Variants in METTL8 observed in about 807,000 individuals in gnomAD.
The protein encoded by METTL8 is methyltransferase 8, tRNA N3-cytidine, also known as tRNA N(3)-cytidine methyltransferase METTL8, mitochondrial.
In METTL8, 32 loss-of-function variants were observed where a neutral mutation model predicts 48.7. The ratio of observed to expected loss-of-function variants is 0.66; its 90% confidence interval spans 0.50 to 0.88. The LOEUF (loss-of-function observed/expected upper bound fraction) is 0.88. Ranked by LOEUF, METTL8 falls within the 40% of genes least tolerant of loss-of-function variation. The pLI is 0.00. For missense variants in METTL8, 464 were observed against 474.4 expected (o/e 0.98, Z 0.20); for synonymous variants, 136 against 157.1 (o/e 0.87, Z 1.01).
At position 171,357,562 on chromosome 2, in the gene METTL8, CTGA is replaced by C. The variant is rs1559103092; in HGVS notation, c.235+2857_235+2859del. ...TTAAAAAATGGGAAGATATTCCATGCTGATGAGTCCAAATAATTAATATTGTTA... is the reference window on the plus strand; with the variant it reads ...TTAAAAAATGGGAAGATATTCCATGCTGAGTCCAAATAATTAATATTGTTA... On this transcript the variant is annotated intron_variant, in intron 3 of 9. Coordinates refer to ENST00000375258, the MANE Select transcript of METTL8 (RefSeq NM_001321154.2). Among the ~76,000 whole-genome samples, 4 of 152,272 alleles carry C rather than the reference CTGA, an allele frequency of 2.6e-5. No homozygotes were observed. The East Asian group carries it at 5.8e-4, about 22-fold the overall frequency.
chr2:171,329,137 C>G (rs1229989574), intron 7 of METTL8, among the ~76,000 whole-genome samples: 1 of 151,880 alleles, frequency 6.6e-6, no homozygotes, highest in East Asian at 1.9e-4. Flanking sequence ...AGGCGCCCAC[C>G]ACCATGCCTG....
At chr2:171,422,279 T>G (rs1691951654) in intron 1 of METTL8, among the ~76,000 whole-genome samples, 1 of 152,218 alleles carries the variant, frequency 6.6e-6, no homozygotes, top group African/African-American at 2.4e-5. Flanking sequence ...AAGTGATTAT[T>G]CATATACAAA....
chr2:171,411,000 T>G (rs1423648589), intron 1 of METTL8, among the ~76,000 whole-genome samples: 1 of 152,226 alleles, frequency 6.6e-6, no homozygotes, highest in African/African-American at 2.4e-5. Flanking sequence ...AAAAGTGTTT[T>G]TATTTAAATG....
chr2:171,325,804 A>G lies in METTL8; in HGVS notation c.1033+37T>C, dbSNP rs775149247. On this transcript the variant is annotated intron_variant, in intron 9 of 9. Transcript: ENST00000375258. The stretch of plus-strand genomic sequence containing the variant: ...AATGAGATAATAACTAACAAGAACG[A>G]TTATGACCAATTATTTCCTTTTGTA... The G allele has an allele frequency of 4.8e-6, 6 of 1,259,344 alleles. No homozygotes were observed. The South Asian group carries it at 8.0e-5, about 17-fold the overall frequency. The allele number at this position is 1,259,344 out of a possible 1,614,324, so 78.0% of individuals were successfully genotyped here. A position where few individuals can be genotyped will look rare whatever the true frequency, so the allele number is the denominator to read the frequency against.
chr2:171,356,081 G>C (rs1203949325), intron 3 of METTL8, among the ~76,000 whole-genome samples: 1 of 152,168 alleles, frequency 6.6e-6, no homozygotes, highest in East Asian at 1.9e-4. Flanking sequence ...CTGTAGACTG[G>C]AGCTGTTCCT....
chr2:171,324,414 G>C, intron 9 of METTL8, 52 bp from the exon 10 acceptor site: 9 of 1,459,740 alleles, frequency 6.2e-6, no homozygotes, highest in Non-Finnish European at 8.4e-6. Flanking sequence ...AGAGATGGGG[G>C]AGGTCAGGAG....
intron 5 of METTL8, 68 bp downstream of exon 5, chr2:171,337,385 T>C (rs1298549316): frequency 8.2e-7 from 1 of 1,217,914 alleles, no homozygotes; most frequent in East Asian, 2.5e-5. Flanking sequence ...GTGACAATAT[T>C]TTCCCAGAAT....
intron 1 of METTL8, among the ~76,000 whole-genome samples, chr2:171,413,347 A>G (rs1459649225): frequency 6.6e-6 from 1 of 152,232 alleles, no homozygotes; most frequent in Non-Finnish European, 1.5e-5. Context: ...TATATCAACC[A>G]GAACAACATA....
chr2:171,339,710 T>C (rs1686505807), intron 3 of METTL8, among the ~76,000 whole-genome samples, 156 bp from the exon 4 acceptor site: 1 of 152,200 alleles, frequency 6.6e-6, no homozygotes. Context: ...ATCTATCTGA[T>C]AAAAGGTTGA....
intron 1 of METTL8, among the ~76,000 whole-genome samples, chr2:171,425,817 A>G (rs1460747419): frequency 2.6e-5 from 4 of 152,236 alleles, no homozygotes; most frequent in Admixed American, 2.0e-4. Context: ...AACGTGTGCC[A>G]GGAGACAGGG....
intron 7 of METTL8, chr2:171,327,025 C>G (rs1685033180): frequency 6.6e-6 from 1 of 152,200 alleles, no homozygotes; most frequent in African/African-American, 2.4e-5. Context: ...CAATCTGAAG[C>G]AGCTCCCCTA....
chr2:171,389,869 C>A (rs1688428291), intron 2 of METTL8, among the ~76,000 whole-genome samples: 1 of 152,152 alleles, frequency 6.6e-6, no homozygotes, highest in South Asian at 2.1e-4. Flanking sequence ...CAGCTAAGAT[C>A]ACTGATGAAG....
At chr2:171,380,077 T>A (rs1413216135) in intron 2 of METTL8, among the ~76,000 whole-genome samples, 1 of 152,238 alleles carries the variant, frequency 6.6e-6, no homozygotes, top group South Asian at 2.1e-4. Context: ...ATCCCTGTGA[T>A]GCAAGGCTGG....
In METTL8 at chr2:171,319,845, G is replaced by C. The variant is rs1474284603; in HGVS notation, c.*4327C>G. On this transcript the variant is annotated 3_prime_UTR_variant, in exon 10 of 10. Coordinates refer to ENST00000375258, the MANE Select transcript of METTL8 (RefSeq NM_001321154.2). Reference sequence around the variant, plus strand: ...TTAGAAATGGAGAAAAAAATGAAGGGTGCATTTAAACAATATATTCCATTG... The same window carrying C: ...TTAGAAATGGAGAAAAAAATGAAGGCTGCATTTAAACAATATATTCCATTG... The C allele has an allele frequency of 6.6e-6, 1 of 152,120 alleles. No homozygotes were observed. Among genetic ancestry groups the C allele is most frequent in the Non-Finnish European group, 1.5e-5 (1 of 68,022 alleles). The allele number at this position is 152,120 out of a possible 1,614,324, so 9.4% of individuals were successfully genotyped here. A position where few individuals can be genotyped will look rare whatever the true frequency, so the allele number is the denominator to read the frequency against.
At chr2:171,378,403 G>A (rs942295652) in intron 2 of METTL8, among the ~76,000 whole-genome samples, 1 of 152,192 alleles carries the variant, frequency 6.6e-6, no homozygotes, top group Non-Finnish European at 1.5e-5. Context: ...GGAGGCTGAG[G>A]TGGGTGGATC....
intron 5 of METTL8, among the ~76,000 whole-genome samples, chr2:171,333,430 G>A (rs1685759650): frequency 6.6e-6 from 1 of 152,132 alleles, no homozygotes; most frequent in Admixed American, 6.5e-5. Context: ...ACTCATTGAT[G>A]AATAACTATG....
chr2:171,330,679 G>C lies in METTL8; in HGVS notation c.740C>G (p.Ala247Gly). The change falls in exon 7 of 10, where the codon GCA becomes GGA. Residue 247 changes from alanine (A) to glycine (G), a missense_variant. Physicochemically the swap from Ala to Gly is moderately conservative, Grantham distance 60. Coordinates refer to ENST00000375258, the MANE Select transcript of METTL8 (RefSeq NM_001321154.2). ...ELVKSHSSYR[A>G]TQCFAFVHDV... ...ATGAACAAAGGCAAAACACTGGGTT[G>C]CTCTGTAGGACGAGTGTGACTGTCA... is the stretch of plus-strand genomic sequence containing the variant. 1 of 1,612,916 alleles carries C rather than the reference G, an allele frequency of 6.2e-7. No homozygotes were observed.
At chr2:171,376,098 G>A (rs886490658) in intron 2 of METTL8, among the ~76,000 whole-genome samples, 1 of 152,162 alleles carries the variant, frequency 6.6e-6, no homozygotes, top group African/African-American at 2.4e-5. Flanking sequence ...TTACTTTGTA[G>A]TTCTTAACTA....
rs143159706 is a variant in METTL8 at position 171,399,383 on chromosome 2, T to C, written c.-12-7186A>G. ...AGCTCTAGGTGTAGGTAGGTATGTG[T>C]CTATTTTAGAATGTAAGGAAAAGAA... is the stretch of plus-strand genomic sequence containing the variant. On this transcript the variant is annotated intron_variant, in intron 1 of 9. Coordinates refer to ENST00000375258, the MANE Select transcript of METTL8 (RefSeq NM_001321154.2). Among the ~76,000 whole-genome samples the C allele has an allele frequency of 1.4e-3, 212 of 152,274 alleles. 4 individuals carry two copies. In the East Asian group the frequency reaches 0.015, roughly 11 times the overall value.
Sources: gnomAD v4.1 joint callset for allele counts (sites outside exome capture counted in the v4.1 genomes callset) on GRCh38, gnomAD v4.1.1 for gene constraint, MANE v1.5 for transcripts, NCBI Gene and HGNC (gene_info 2026-07-23, HGNC 2026-07-21) for gene names.